PLCB1: variants seen among roughly 807,000 people sequenced by gnomAD.
PLCB1 encodes 1-phosphatidylinositol 4,5-bisphosphate phosphodiesterase beta-1.
A neutral mutation model predicts 161.8 loss-of-function variants in PLCB1; 46 were observed. The ratio of observed to expected loss-of-function variants is 0.28; its 90% confidence interval spans 0.22 to 0.36. The LOEUF (loss-of-function observed/expected upper bound fraction) is 0.36, where lower values mean the gene tolerates loss of function less well. Ranked by LOEUF, PLCB1 falls within the 10% of genes least tolerant of loss-of-function variation. PLCB1 has a pLI of 1.00. For synonymous variants in PLCB1, 517 were observed against 503.7 expected (o/e 1.03, Z -0.35); for missense variants, 1,016 against 1,472.5 (o/e 0.69, Z 5.07).
At chr20:8,242,796 G>A (rs1980688805) in intron 2 of PLCB1, among the ~76,000 whole-genome samples, 1 of 151,962 alleles carries the variant, frequency 6.6e-6, no homozygotes, top group South Asian at 2.1e-4. Context: ...CATAAAGAAA[G>A]GAGAAGGAGG....
At chr20:8,573,162 C>T (rs774172218) in intron 3 of PLCB1, among the ~76,000 whole-genome samples, 2 of 152,134 alleles carry the variant, frequency 1.3e-5, no homozygotes, top group African/African-American at 2.4e-5. Context: ...GATATGATCA[C>T]TTATCTTGAA....
intron 26 of PLCB1, among the ~76,000 whole-genome samples, chr20:8,767,689 G>A (rs6056081): frequency 0.32 from 48,261 of 151,940 alleles, 7,735 homozygotes; most frequent in Middle Eastern, 0.49. Context: ...ACAGGGTCTG[G>A]CGGACCACAG....
intron 3 of PLCB1, among the ~76,000 whole-genome samples, chr20:8,498,387 G>A (rs1245662125): frequency 5.3e-5 from 8 of 152,110 alleles, no homozygotes; most frequent in Admixed American, 2.0e-4. Context: ...GAGCCACCAC[G>A]CCCGACCACC....
chr20:8,724,748 A>C lies in PLCB1; in HGVS notation c.1674A>C (p.Ser558=). 6.3e-7 allele frequency: 1 copy of C among 1,584,920 alleles called. No individual in the cohort carries two copies. Among genetic ancestry groups the C allele is most frequent in the Non-Finnish European group, 8.7e-7 (1 of 1,154,542 alleles). ...TCAAGTTTGAGTCATTTGAAATTTC[A>C]AAAAGTAAGTTTTCCCTGGAGAAAA... ...QPVKFESFEI[S]KKRNKSFEMS... is the part of the protein sequence containing the mutation. The change falls in exon 16 of 32, where the codon TCA becomes TCC. Residue 558 remains serine, a synonymous_variant. Transcript: ENST00000338037.
Position 8,132,518 on chromosome 20 carries a change from G to A in PLCB1, c.-134G>A, listed in dbSNP as rs2051301387. The A allele has an allele frequency of 4.5e-6, 2 of 448,634 alleles. No individual in the cohort carries two copies. Among genetic ancestry groups the A allele is most frequent in the East Asian group, 3.9e-5 (1 of 25,782 alleles). The allele number at this position is 448,634 out of a possible 1,614,324, so 27.8% of individuals were successfully genotyped here. On this transcript the variant is annotated 5_prime_UTR_variant, in exon 1 of 32. Transcript: ENST00000338037. This position sits in a 1 kb window ranked among gnomAD's most constrained non-coding sequence, Gnocchi z 5.2. The stretch of plus-strand genomic sequence containing the variant: ...GGAGGTGCGGAGGCCGGGAGGCCGG[G>A]GAGGCCGGCGGGGAGCAGAGTCGAG...
At chr20:8,408,914 T>C (rs1978909258) in intron 3 of PLCB1, among the ~76,000 whole-genome samples, 1 of 152,236 alleles carries the variant, frequency 6.6e-6, no homozygotes, top group Admixed American at 6.5e-5. Flanking sequence ...CTATGTAATC[T>C]TATCAAGGTC....
intron 2 of PLCB1, among the ~76,000 whole-genome samples, chr20:8,192,117 T>G (rs2051976720): frequency 1.3e-5 from 2 of 152,036 alleles, no homozygotes; most frequent in South Asian, 4.1e-4. Context: ...ACTATTTGAA[T>G]TTTGGATTTT....
At chr20:8,755,031 C>A (rs2123558002) in intron 23 of PLCB1, among the ~76,000 whole-genome samples, 1 of 152,284 alleles carries the variant, frequency 6.6e-6, no homozygotes, top group Non-Finnish European at 1.5e-5. Flanking sequence ...AAAGATTCTG[C>A]CATAGTGAGC....
chr20:8,402,559 G>GC (rs1978600102), intron 3 of PLCB1, among the ~76,000 whole-genome samples: 1 of 151,980 alleles, frequency 6.6e-6, no homozygotes. Flanking sequence ...TCCAGGCCGG[G>GC]CGTGGTGGCT....
chr20:8,416,608 G>A (rs1361491726), intron 3 of PLCB1, among the ~76,000 whole-genome samples: 2 of 152,198 alleles, frequency 1.3e-5, no homozygotes, highest in Middle Eastern at 6.8e-3. Context: ...AGTCACAGGA[G>A]TAGGGCTTGT....
chr20:8,185,662 G>A (rs922169096), intron 2 of PLCB1, among the ~76,000 whole-genome samples: 9 of 151,894 alleles, frequency 5.9e-5, no homozygotes, highest in East Asian at 3.9e-4. Context: ...GGACAGGAGA[G>A]GAAGGGCACT....
At chr20:8,758,609 C>G (rs1056082363) in intron 24 of PLCB1, among the ~76,000 whole-genome samples, 5 of 151,670 alleles carry the variant, frequency 3.3e-5, no homozygotes, top group African/African-American at 1.2e-4. Context: ...TTGCCAAAGT[C>G]AATAATAGTA....
chr20:8,434,560 T>C (rs1332979153), intron 3 of PLCB1, among the ~76,000 whole-genome samples: 1 of 152,210 alleles, frequency 6.6e-6, no homozygotes, highest in Non-Finnish European at 1.5e-5. Context: ...ATTAGAAATA[T>C]GAGAACTAAT....
intron 3 of PLCB1, among the ~76,000 whole-genome samples, chr20:8,539,650 TTC>T (rs1985211724): frequency 2.2e-5 from 2 of 92,274 alleles, no homozygotes; most frequent in African/African-American, 4.5e-5. Context: ...CTTTCTTTCT[TTC>T]TTTCTTTCTT....
intron 2 of PLCB1, among the ~76,000 whole-genome samples, chr20:8,263,973 A>G (rs1981832096): frequency 6.6e-6 from 1 of 152,154 alleles, no homozygotes; most frequent in Non-Finnish European, 1.5e-5. Flanking sequence ...TCAATAATAA[A>G]TTATCCACCT....
At chr20:8,135,663 A>G (rs911347829) in intron 1 of PLCB1, among the ~76,000 whole-genome samples, 2 of 152,170 alleles carry the variant, frequency 1.3e-5, no homozygotes, top group African/African-American at 4.8e-5. Context: ...TGACTATTTC[A>G]GTATTTTAAA....
At chr20:8,495,215 A>G (rs781003615) in intron 3 of PLCB1, among the ~76,000 whole-genome samples, 14 of 152,060 alleles carry the variant, frequency 9.2e-5, no homozygotes, top group Non-Finnish European at 1.9e-4. Flanking sequence ...TTACAATTCT[A>G]TGAAAGTGCT....
rs1415476855 is a variant in PLCB1, at chr20:8,852,308, GTTCCTT to G, written c.3424-29310_3424-29305del. 2.0e-5 allele frequency among the ~76,000 whole-genome samples: 3 copies of G among 152,308 alleles called. No individual in the cohort carries two copies. In the East Asian group the frequency reaches 5.8e-4, roughly 29 times the overall value. On this transcript the variant is annotated intron_variant, in intron 31 of 31. Coordinates refer to ENST00000338037, the MANE Select transcript of PLCB1 (RefSeq NM_015192.4). ...TAAGAAAATTGCTGTGTTACAAAGT[GTTCCTT>G]TTCATCAACCACAAAACAATCCTCC...
At chr20:8,808,022 C>T (rs1984623327) in intron 31 of PLCB1, among the ~76,000 whole-genome samples, 2 of 152,228 alleles carry the variant, frequency 1.3e-5, no homozygotes, top group South Asian at 2.1e-4. Flanking sequence ...ACAGAGGTGG[C>T]AGTCACTGAG....
Sources: gnomAD v4.1 joint callset for allele counts (sites outside exome capture counted in the v4.1 genomes callset) on GRCh38, gnomAD v4.1.1 for gene constraint, Gnocchi (gnomAD v3.1) non-coding constraint, MANE v1.5 for transcripts, NCBI Gene and HGNC (gene_info 2026-07-23, HGNC 2026-07-21) for gene names.